The following NAV2 variants were observed in gnomAD, a reference collection of about 807,000 sequenced individuals.
NAV2 encodes helicase, APC down-regulated 1.
NAV2 carries 54 observed loss-of-function variants against 223.2 expected under a neutral mutation model. The observed-to-expected ratio is 0.24, with a 90% CI of 0.19 to 0.30. The LOEUF (loss-of-function observed/expected upper bound fraction) is 0.30. NAV2 is among the 10% of genes least tolerant of loss of function. NAV2 has a pLI of 1.00. For synonymous variants in NAV2, 1,279 were observed against 1,239.3 expected (o/e 1.03, Z -0.67); for missense variants, 2,806 against 3,147.5 (o/e 0.89, Z 2.60).
chr11:20,117,226 T>TG (rs1554975669), intron 37 of NAV2, among the ~76,000 whole-genome samples: 1 of 151,968 alleles, frequency 6.6e-6, no homozygotes, highest in African/African-American at 2.4e-5. Flanking sequence ...TTATTCCCTC[T>TG]CCCACTCCCA....
intron 1 of NAV2, among the ~76,000 whole-genome samples, chr11:19,790,557 A>ATT (rs1316581493): frequency 6.6e-6 from 1 of 152,226 alleles, no homozygotes; most frequent in Non-Finnish European, 1.5e-5. Flanking sequence ...CATTGTTGTG[A>ATT]AACTGCTGCT....
At chr11:19,625,550 T>A (rs935655806) in intron 1 of NAV2, among the ~76,000 whole-genome samples, 5 of 152,212 alleles carry the variant, frequency 3.3e-5, no homozygotes, top group African/African-American at 1.2e-4. Flanking sequence ...CTAATTTCCT[T>A]TCTCTTGGTG....
At chr11:20,079,107 C>A (rs957380778) in intron 24 of NAV2, among the ~76,000 whole-genome samples, 1 of 152,172 alleles carries the variant, frequency 6.6e-6, no homozygotes, top group Non-Finnish European at 1.5e-5. Context: ...CTGGCATGAT[C>A]TCCGCTCACT....
At chr11:19,512,588 A>C (rs1012769086) in intron 1 of NAV2, among the ~76,000 whole-genome samples, 1 of 152,206 alleles carries the variant, frequency 6.6e-6, no homozygotes, top group Non-Finnish European at 1.5e-5. Context: ...AGGATCTTAG[A>C]GTGAAAGCTC....
In NAV2 at chr11:19,380,959, C is replaced by A. The variant is rs375780625; in HGVS notation, c.75+29932C>A. ...AGGTCCTCAACTACCCCACTGCAGCCCCACCTCCTTCCACACACTGAATAG... is the reference window on the plus strand; with the variant it reads ...AGGTCCTCAACTACCCCACTGCAGCACCACCTCCTTCCACACACTGAATAG... On this transcript the variant is annotated intron_variant, in intron 1 of 37. Coordinates refer to the NAV2 transcript ENST00000360655. 2.0e-5 allele frequency among the ~76,000 whole-genome samples: 3 copies of A among 150,288 alleles called. 1 individual carries two copies. The South Asian group carries it at 6.4e-4, about 32-fold the overall frequency.
At chr11:19,398,874 T>C (rs1464146499) in intron 1 of NAV2, among the ~76,000 whole-genome samples, 1 of 152,164 alleles carries the variant, frequency 6.6e-6, no homozygotes, top group Admixed American at 6.5e-5. Flanking sequence ...CAGCCTCAGC[T>C]CCTAGCAAAC....
intron 11 of NAV2, among the ~76,000 whole-genome samples, chr11:20,033,342 G>A (rs10833224): frequency 0.4 from 61,580 of 152,114 alleles, 13,772 homozygotes; most frequent in African/African-American, 0.6. Flanking sequence ...ACGATAGGAC[G>A]GCCCTTTGTA....
chr11:19,641,246 A>C (rs2047655124), intron 1 of NAV2, among the ~76,000 whole-genome samples: 1 of 152,136 alleles, frequency 6.6e-6, no homozygotes. Flanking sequence ...ACTTTGTAAT[A>C]ATATTGACCA....
intron 1 of NAV2, among the ~76,000 whole-genome samples, chr11:19,694,653 C>T (rs576717742): frequency 2.0e-5 from 3 of 152,314 alleles, no homozygotes; most frequent in South Asian, 2.1e-4. Context: ...ACTTCCAATG[C>T]CCTTAGTCAC....
intron 12 of NAV2, among the ~76,000 whole-genome samples, chr11:20,039,580 A>G (rs757461232): frequency 1.3e-5 from 2 of 152,196 alleles, no homozygotes; most frequent in Non-Finnish European, 2.9e-5. Flanking sequence ...AAAGCAACTC[A>G]TCTTACTTTG....
Position 19,771,847 on chromosome 11 carries a change from T to G in NAV2, c.267+57885T>G, listed in dbSNP as rs186834889. On this transcript the variant is annotated intron_variant, in intron 1 of 37. Coordinates refer to ENST00000349880, the MANE Select transcript of NAV2 (RefSeq NM_145117.5). Reference sequence around the variant, plus strand: ...ATTCGTAGGCTTGTCAGTGTGACATTGTGTTTGCCCTCCTGAAAGCCATAC... The same window carrying G: ...ATTCGTAGGCTTGTCAGTGTGACATGGTGTTTGCCCTCCTGAAAGCCATAC... 4.3e-3 allele frequency among the ~76,000 whole-genome samples: 654 copies of G among 152,242 alleles called. 4 individuals carry two copies. The highest frequency in any genetic ancestry group is 0.011 in the Admixed American group (173 of 15,302).
At chr11:20,096,585 C>T (rs1199522658) in intron 30 of NAV2, among the ~76,000 whole-genome samples, 4 of 152,166 alleles carry the variant, frequency 2.6e-5, no homozygotes, top group East Asian at 1.9e-4. Flanking sequence ...AATTAGACCC[C>T]GTTGGTCCAG....
At position 20,045,534 on chromosome 11, in the gene NAV2, TC is replaced by T; in HGVS notation, c.3767del (p.Ser1256TyrfsTer13). 6.2e-7 allele frequency: 1 copy of T among 1,614,108 alleles called. No homozygotes were observed. The highest frequency in any genetic ancestry group is 8.5e-7 in the Non-Finnish European group (1 of 1,180,012). On this transcript the variant is annotated frameshift_variant, in exon 14 of 38. Transcript: ENST00000349880. LOFTEE classifies it high-confidence loss of function. ...CCAAACAGACAAGGAGAAAGGCATC[TC>T]ATCAGACAACGAGAGTGTGGCTTCC... The part of the protein sequence containing the change: ...VNQTDKEKGI[S>X]SDNESVASCN...
chr11:19,456,843 C>T lies in NAV2; in HGVS notation c.75+105816C>T, dbSNP rs777388378. Among the ~76,000 whole-genome samples, 6 of 152,174 alleles carry T rather than the reference C, an allele frequency of 3.9e-5. No homozygotes were observed. In the South Asian group the frequency reaches 6.2e-4, roughly 16 times the overall value. On this transcript the variant is annotated intron_variant, in intron 1 of 37. Transcript: ENST00000360655. ...TGCTCCTTCCCAGGACTAGACTCTC[C>T]TGGACAGATGCTGTCATCTGCTTAA... is the stretch of plus-strand genomic sequence containing the variant.
chr11:20,009,754 C>T (rs567617683), intron 11 of NAV2, among the ~76,000 whole-genome samples: 1 of 152,252 alleles, frequency 6.6e-6, no homozygotes, highest in South Asian at 2.1e-4. Context: ...GAATTACTTG[C>T]TTCCCCAACG....
chr11:19,819,830 C>T (rs1397209522), intron 1 of NAV2, among the ~76,000 whole-genome samples: 1 of 152,212 alleles, frequency 6.6e-6, no homozygotes, highest in African/African-American at 2.4e-5. Flanking sequence ...TTGCCCAAAG[C>T]CACAAAGCCT....
intron 1 of NAV2, among the ~76,000 whole-genome samples, chr11:19,632,940 CA>C (rs1163632918): frequency 2.6e-5 from 4 of 152,202 alleles, no homozygotes; most frequent in Admixed American, 2.6e-4. Flanking sequence ...AACTGAAGCC[CA>C]AAGAGTTTGT....
chr11:19,365,271 C>T (rs1848238116), intron 1 of NAV2, among the ~76,000 whole-genome samples: 1 of 152,186 alleles, frequency 6.6e-6, no homozygotes, highest in East Asian at 1.9e-4. Flanking sequence ...CATTTCTATC[C>T]ATTTGAAACC....
chr11:19,548,692 C>T (rs1003708818), intron 1 of NAV2, among the ~76,000 whole-genome samples: 6 of 150,610 alleles, frequency 4.0e-5, no homozygotes, highest in African/African-American at 1.5e-4. Context: ...CATGGTGAAA[C>T]CCCGTCTCTA....
Sources: gnomAD v4.1 joint callset for allele counts (sites outside exome capture counted in the v4.1 genomes callset) on GRCh38, gnomAD v4.1.1 for gene constraint, MANE v1.5 for transcripts, NCBI Gene and HGNC (gene_info 2026-07-23, HGNC 2026-07-21) for gene names.